Variants in PBX4 observed in about 807,000 individuals in gnomAD.
PBX4 encodes PBX homeobox 4, also known as pre-B-cell leukemia transcription factor 4.
A neutral mutation model predicts 35.1 loss-of-function variants in PBX4; 26 were observed. The observed-to-expected ratio is 0.74, with a 90% CI of 0.54 to 1.03. The LOEUF is 1.03. Among genes scored for constraint, PBX4 ranks in the 50% least tolerant of loss-of-function variants. The pLI, the probability that PBX4 is intolerant of heterozygous loss-of-function variation, is 0.00. For missense variants in PBX4, 448 were observed against 504.3 expected (o/e 0.89, Z 1.07); for synonymous variants, 199 against 204.2 (o/e 0.97, Z 0.22).
At position 19,570,055 on chromosome 19, in the gene PBX4, C is replaced by T. The variant is rs2061371067; in HGVS notation, c.632+54G>A. The T allele has an allele frequency of 4.0e-6, 6 of 1,513,536 alleles. No homozygotes were observed. In the Admixed American group the frequency reaches 1.0e-4, roughly 26 times the overall value. The allele number at this position is 1,513,536 out of a possible 1,614,324, so 93.8% of individuals were successfully genotyped here. ...CTTCAACCCAAGCCAGCACTATTTC[C>T]CTCCAGTCCCTCAGAGCCGGCCCTT... On this transcript the variant is annotated intron_variant, in intron 4 of 7. Coordinates refer to ENST00000251203, the MANE Select transcript of PBX4 (RefSeq NM_025245.3).
At chr19:19,580,233 TGAA>T (rs34472349) in intron 2 of PBX4, among the ~76,000 whole-genome samples, 28,025 of 152,172 alleles carry the variant, frequency 0.18, 3,198 homozygotes, top group East Asian at 0.28. Flanking sequence ...AGAATCGACA[TGAA>T]GGAGAAAACA....
intron 4 of PBX4, 49 bp from the exon 5 acceptor site, chr19:19,569,633 A>T (rs1437794295): frequency 6.3e-7 from 1 of 1,591,874 alleles, no homozygotes; most frequent in East Asian, 2.2e-5. Context: ...GGACTCCAGT[A>T]CCACCCCCAC....
Position 19,569,546 on chromosome 19 carries a change from A to G in PBX4, c.671T>C (p.Val224Ala). ...RRNFSKQATE[V>A]LNEYFYSHLN... is the part of the protein sequence containing the mutation. ...ATGGGAGTAAAAATACTCATTCAGC[A>G]CTTCCGTCGCCTGCTTGCTGAAATT... is the stretch of plus-strand genomic sequence containing the variant. The change falls in exon 5 of 8, where the codon GTG (valine) becomes GCG (alanine). Residue 224 changes from valine to alanine, a missense_variant. Transcript: ENST00000251203. The G allele has an allele frequency of 6.2e-7, 1 of 1,613,816 alleles. No individual in the cohort carries two copies. Among genetic ancestry groups the G allele is most frequent in the South Asian group, 1.1e-5 (1 of 91,038 alleles).
intron 2 of PBX4, among the ~76,000 whole-genome samples, chr19:19,595,636 AG>A (rs2061556300): frequency 6.6e-6 from 1 of 151,736 alleles, no homozygotes; most frequent in Non-Finnish European, 1.5e-5. Context: ...GCAGGAAGCC[AG>A]GGGCATCACA....
At chr19:19,587,002 C>T (rs575124234) in intron 2 of PBX4, among the ~76,000 whole-genome samples, 9 of 152,036 alleles carry the variant, frequency 5.9e-5, no homozygotes, top group African/African-American at 1.9e-4. Context: ...AAACAATTTT[C>T]TTTTTCTTTT....
intron 1 of PBX4, among the ~76,000 whole-genome samples, chr19:19,617,079 C>A (rs1362383992): frequency 1.3e-5 from 2 of 152,208 alleles, no homozygotes; most frequent in African/African-American, 4.8e-5. Context: ...CACCTCAGGG[C>A]CTCTGAAGGT....
rs1464095598 is a variant in PBX4, at chr19:19,570,652, A to G, written c.375T>C (p.Ser125=). 5 of 1,614,070 alleles carry G rather than the reference A, an allele frequency of 3.1e-6. No homozygotes were observed. The highest frequency in any genetic ancestry group is 4.2e-6 in the Non-Finnish European group (5 of 1,180,034). ...GCPNDNSIEH[S]DYRAKLSQIR... ...TCTGGGACAGCTTGGCCCTGTAGTC[A>G]GAGTGCTCAATGCTATTGTCATTTG... Residue 125 remains serine (S), a synonymous_variant, in exon 3 of 8, where the codon TCT becomes TCC. Transcript: ENST00000251203.
intron 3 of PBX4, 35 bp downstream of exon 3, chr19:19,570,551 C>G (rs1340421153): frequency 6.2e-7 from 1 of 1,605,588 alleles, no homozygotes; most frequent in Non-Finnish European, 8.5e-7. Flanking sequence ...AATGCGCATT[C>G]ACATGACAGA....
At chr19:19,601,418 G>C (rs1186728490) in intron 1 of PBX4, among the ~76,000 whole-genome samples, 1 of 152,164 alleles carries the variant, frequency 6.6e-6, no homozygotes, top group East Asian at 1.9e-4. Flanking sequence ...AAAGTCATGG[G>C]GACAACTCTG....
At chr19:19,570,484 C>T in intron 3 of PBX4, 102 bp downstream of exon 3, 6 of 1,533,656 alleles carry the variant, frequency 3.9e-6, no homozygotes, top group East Asian at 2.3e-5. Context: ...ACTGCATGGA[C>T]TCCCTGTTCT....
chr19:19,616,060 C>T (rs899989876), intron 1 of PBX4, among the ~76,000 whole-genome samples: 2 of 152,142 alleles, frequency 1.3e-5, no homozygotes, highest in African/African-American at 2.4e-5. Context: ...ACCCAGAGAC[C>T]GTCCCTCACC....
chr19:19,567,598 C>T (rs1184475731), intron 5 of PBX4, among the ~76,000 whole-genome samples: 1 of 152,162 alleles, frequency 6.6e-6, no homozygotes, highest in Non-Finnish European at 1.5e-5. Flanking sequence ...GTTCCACACA[C>T]TCATGCTGCC....
rs1356471482 is a variant in PBX4, at chr19:19,563,067, G to A, written c.1032+442C>T. Among the ~76,000 whole-genome samples, 1 of 152,180 alleles carries A rather than the reference G, an allele frequency of 6.6e-6. No individual in the cohort carries two copies. The highest frequency in any genetic ancestry group is 1.5e-5 in the Non-Finnish European group (1 of 68,034). On this transcript the variant is annotated intron_variant, in intron 7 of 7. Transcript: ENST00000251203. The surrounding 1 kb of genome is among the most constrained non-coding windows in gnomAD (Gnocchi z 5.1). ...GGCACATGACACCTGGGCCTCCTCA[G>A]TGTCTTCAAGACGGTCCCCACTCGC...
intron 1 of PBX4, among the ~76,000 whole-genome samples, chr19:19,600,503 AAC>A (rs2061590442): frequency 6.6e-6 from 1 of 151,828 alleles, no homozygotes; most frequent in Non-Finnish European, 1.5e-5. Context: ...CAGCCAGCAT[AAC>A]AGAGGCCTTG....
chr19:19,587,457 G>A (rs548565724), intron 2 of PBX4, among the ~76,000 whole-genome samples: 32 of 151,330 alleles, frequency 2.1e-4, no homozygotes, highest in South Asian at 1.9e-3. Context: ...GCGTGGTGGC[G>A]GACTCCTGTA....
intron 2 of PBX4, among the ~76,000 whole-genome samples, chr19:19,585,281 C>T (rs1302486341): frequency 2.0e-5 from 3 of 151,672 alleles, no homozygotes; most frequent in Non-Finnish European, 2.9e-5. Context: ...GTCCAGATTG[C>T]GCCACTATAC....
rs866723522 is a variant in PBX4, at chr19:19,605,270, G to T, written c.120-5905C>A. Among the ~76,000 whole-genome samples, 8 of 151,168 alleles carry T rather than the reference G, an allele frequency of 5.3e-5. No individual in the cohort carries two copies. The South Asian group carries it at 1.5e-3, about 28-fold the overall frequency. On this transcript the variant is annotated intron_variant, in intron 1 of 7. Transcript: ENST00000251203. ...GTCTCTACTAAAAATACAAAATTCA[G>T]CTGGGCATGGTGGCGCGCACCTGTA...
intron 2 of PBX4, among the ~76,000 whole-genome samples, chr19:19,579,342 C>CA (rs763609486): frequency 0.016 from 2,089 of 131,432 alleles, 44 homozygotes; most frequent in African/African-American, 0.051. Context: ...GACTCCGTCT[C>CA]AAAAAAAAAA....
rs1191662725 is a variant in PBX4, at chr19:19,563,721, C to T, written c.926-106G>A. On this transcript the variant is annotated intron_variant, in intron 6 of 7. Transcript: ENST00000251203. The surrounding 1 kb of genome is among the most constrained non-coding windows in gnomAD (Gnocchi z 5.1). Reference sequence around the variant, plus strand: ...GGCCTCGAATGTGGCTCCTGCCCCTCCTCAGCATCCGGCCTCTGCTCCTCA... The same window carrying T: ...GGCCTCGAATGTGGCTCCTGCCCCTTCTCAGCATCCGGCCTCTGCTCCTCA... The T allele has an allele frequency of 1.1e-6, 1 of 939,668 alleles. No homozygotes were observed. The highest frequency in any genetic ancestry group is 1.4e-5 in the South Asian group (1 of 71,160). The allele number at this position is 939,668 out of a possible 1,614,324, so 58.2% of individuals were successfully genotyped here. A position where few individuals can be genotyped will look rare whatever the true frequency, so the allele number is the denominator to read the frequency against.
Sources: allele counts gnomAD v4.1 joint callset (sites outside exome capture counted in the v4.1 genomes callset), GRCh38; gene constraint gnomAD v4.1.1; non-coding constraint Gnocchi (gnomAD v3.1); transcripts MANE v1.5; gene names NCBI Gene and HGNC (gene_info 2026-07-23, HGNC 2026-07-21).